Variants in STK35 observed in about 807,000 individuals in gnomAD.
The protein encoded by STK35 is serine/threonine-protein kinase 35.
STK35 carries 17 observed loss-of-function variants against 37.3 expected under a neutral mutation model. That is an observed-to-expected ratio of 0.46 (90% CI 0.31 to 0.68). The LOEUF (loss-of-function observed/expected upper bound fraction) is 0.68, where lower values mean the gene tolerates loss of function less well. Among genes scored for constraint, STK35 ranks in the 30% least tolerant of loss-of-function variants. The probability of loss-of-function intolerance (pLI) is 0.05; values close to 1 mark genes in which losing one functional copy is unlikely to be tolerated. For synonymous variants in STK35, 385 were observed against 319.1 expected (o/e 1.21, Z -2.20); for missense variants, 595 against 746.7 (o/e 0.80, Z 2.37).
At chr20:2,130,361 G>A (rs1447302373) in intron 3 of STK35, among the ~76,000 whole-genome samples, 1 of 152,144 alleles carries the variant, frequency 6.6e-6, no homozygotes, top group African/African-American at 2.4e-5. Flanking sequence ...GCTGCGTTTT[G>A]TTCTTTTCTT....
intron 2 of STK35, among the ~76,000 whole-genome samples, chr20:2,116,240 G>T (rs931287807): frequency 2.0e-5 from 3 of 152,014 alleles, no homozygotes; most frequent in Admixed American, 2.0e-4. Context: ...CCTTCTACAA[G>T]TCAGGAAAAA....
At chr20:2,107,264 ACACT>A (rs766415455) in intron 2 of STK35, among the ~76,000 whole-genome samples, 21 of 152,270 alleles carry the variant, frequency 1.4e-4, no homozygotes, top group Non-Finnish European at 2.4e-4. Context: ...AAGTGAGGAC[ACACT>A]CACAGACACT....
intron 2 of STK35, among the ~76,000 whole-genome samples, chr20:2,116,417 G>T (rs1198666940): frequency 6.6e-6 from 1 of 152,156 alleles, no homozygotes; most frequent in Non-Finnish European, 1.5e-5. Flanking sequence ...AAACAAAAAG[G>T]CTTCGCAGTC....
intron 2 of STK35, among the ~76,000 whole-genome samples, chr20:2,111,558 C>T (rs984123106): frequency 1.3e-5 from 2 of 151,998 alleles, no homozygotes; most frequent in East Asian, 1.9e-4. Context: ...AATAGCCGGG[C>T]GTGGTGGTGC....
At chr20:2,136,121 G>A (rs1331710803) in intron 3 of STK35, among the ~76,000 whole-genome samples, 4 of 152,144 alleles carry the variant, frequency 2.6e-5, no homozygotes, top group Non-Finnish European at 5.9e-5. Context: ...TTCTGAGGCC[G>A]GGCCTGCTCC....
At chr20:2,116,161 G>C (rs1436601068) in intron 2 of STK35, among the ~76,000 whole-genome samples, 2 of 152,058 alleles carry the variant, frequency 1.3e-5, no homozygotes, top group Non-Finnish European at 2.9e-5. Context: ...AATAAACCAA[G>C]GAAATTGTAG....
rs746321390 is a variant in STK35, at chr20:2,117,253, C to T, written c.1480C>T (p.Arg494Cys). The change falls in exon 3 of 4, where the codon CGC becomes TGC. Residue 494 changes from arginine to cysteine, a missense_variant. Coordinates refer to ENST00000381482, the MANE Select transcript of STK35 (RefSeq NM_080836.4). This position sits in a 1 kb window ranked among gnomAD's most constrained non-coding sequence, Gnocchi z 4.4. ...PKMELHIPQKRRTSMSEGIKQ... is the reference protein window; with the variant it reads ...PKMELHIPQKCRTSMSEGIKQ... ...GATGGAGTTGCACATCCCCCAAAAA[C>T]GCAGGACTTCCATGTCTGAGGGGAT... 9 of 1,614,042 alleles carry T rather than the reference C, an allele frequency of 5.6e-6. No individual in the cohort carries two copies. Among genetic ancestry groups the T allele is most frequent in the South Asian group, 1.1e-5 (1 of 91,082 alleles).
rs1985429248 is a variant in STK35 at position 2,102,897 on chromosome 20, C to G, written c.424C>G (p.Arg142Gly). ...CATGGAAACGGGGAAGGACGGCGCC[C>G]GCAGAGGTACACAAAGCCCGGAGCG... is the stretch of plus-strand genomic sequence containing the variant. Reference protein sequence around the residue: ...AAMETGKDGARRGTQSPERKR... With the variant: ...AAMETGKDGAGRGTQSPERKR... Residue 142 changes from arginine (R) to glycine (G), a missense_variant, in exon 2 of 4, where the codon CGC becomes GGC. Arg to Gly is a moderately radical substitution (Grantham distance 125). Around this residue, in one of 3 missense-constraint regions of STK35, gnomAD observed 389 missense variants for 320.0 expected, o/e 1.22. Coordinates refer to ENST00000381482, the MANE Select transcript of STK35 (RefSeq NM_080836.4). The G allele has an allele frequency of 1.3e-6, 2 of 1,565,646 alleles. No individual in the cohort carries two copies. Among genetic ancestry groups the G allele is most frequent in the Non-Finnish European group, 1.7e-6 (2 of 1,164,212 alleles).
At chr20:2,103,453 T>A in intron 2 of STK35, 88 bp downstream of exon 2, 1 of 1,302,168 alleles carries the variant, frequency 7.7e-7, no homozygotes, top group Non-Finnish European at 1.1e-6. Context: ...CTGGCCTTCC[T>A]AGGCCTCAGA....
At chr20:2,118,611 C>T (rs1985762549) in intron 3 of STK35, among the ~76,000 whole-genome samples, 1 of 152,160 alleles carries the variant, frequency 6.6e-6, no homozygotes, top group African/African-American at 2.4e-5. Context: ...TGTGAGTTTT[C>T]CTTTGTGAAG....
At chr20:2,131,019 G>A (rs1199374963) in intron 3 of STK35, among the ~76,000 whole-genome samples, 3 of 151,460 alleles carry the variant, frequency 2.0e-5, no homozygotes, top group East Asian at 1.9e-4. Flanking sequence ...GCAGCTTGCC[G>A]ATCATCTTGC....
intron 2 of STK35, among the ~76,000 whole-genome samples, chr20:2,106,090 T>C (rs1985510285): frequency 6.6e-6 from 1 of 152,202 alleles, no homozygotes; most frequent in Non-Finnish European, 1.5e-5. Flanking sequence ...TTTCAAGTAG[T>C]AAATAGGTAA....
chr20:2,143,116 G>A (rs552716045), intron 3 of STK35, among the ~76,000 whole-genome samples: 4 of 152,180 alleles, frequency 2.6e-5, no homozygotes, highest in Admixed American at 1.3e-4. Context: ...CCCCACAGTC[G>A]AGGGGCAGCT....
At chr20:2,111,656 T>C (rs1568574579) in intron 2 of STK35, among the ~76,000 whole-genome samples, 1 of 152,210 alleles carries the variant, frequency 6.6e-6, no homozygotes, top group Non-Finnish European at 1.5e-5. Flanking sequence ...TGAGCTGTGA[T>C]TGGCTGCACT....
intron 3 of STK35, among the ~76,000 whole-genome samples, chr20:2,137,981 A>G (rs767545868): frequency 3.9e-5 from 6 of 152,190 alleles, no homozygotes; most frequent in Non-Finnish European, 7.3e-5. Flanking sequence ...ATATGCTGAA[A>G]ATTAATAACC....
chr20:2,119,615 A>G (rs1985781181), intron 3 of STK35, among the ~76,000 whole-genome samples: 1 of 152,238 alleles, frequency 6.6e-6, no homozygotes, highest in African/African-American at 2.4e-5. Context: ...CCCAGATCCT[A>G]CTAAGTTAAG....
At chr20:2,135,957 C>T (rs775638299) in intron 3 of STK35, among the ~76,000 whole-genome samples, 1 of 152,210 alleles carries the variant, frequency 6.6e-6, no homozygotes, top group Non-Finnish European at 1.5e-5. Context: ...AGGATCATGC[C>T]TTTGCACTCC....
chr20:2,126,115 A>G (rs377522287), intron 3 of STK35, among the ~76,000 whole-genome samples: 33 of 152,300 alleles, frequency 2.2e-4, no homozygotes, highest in Middle Eastern at 6.8e-3. Context: ...CACTCACTGA[A>G]TCCTGACTTA....
chr20:2,102,761 C>A lies in STK35; in HGVS notation c.295-7C>A. On this transcript the variant is annotated splice_polypyrimidine_tract_variant and splice_region_variant and intron_variant, in intron 1 of 3. Transcript: ENST00000381482. The stretch of plus-strand genomic sequence containing the variant: ...CCTGGCCGTTTAACCGATTCTTTCG[C>A]CCGCAGGTCACAATCCAAGGTCCGG... 7.0e-7 allele frequency: 1 copy of A among 1,426,734 alleles called. No homozygotes were observed. The highest frequency in any genetic ancestry group is 1.4e-5 in the South Asian group (1 of 72,968). 88.4% of individuals were successfully genotyped at this position (1,426,734 alleles called of 1,614,324 possible).
Sources: gnomAD v4.1 joint callset for allele counts (sites outside exome capture counted in the v4.1 genomes callset) on GRCh38, gnomAD v4.1.1 for gene constraint, gnomAD v4.1.1 regional missense constraint, Gnocchi (gnomAD v3.1) non-coding constraint, MANE v1.5 for transcripts, NCBI Gene and HGNC (gene_info 2026-07-23, HGNC 2026-07-21) for gene names.